The following CCDC187 variants were observed in gnomAD, a reference collection of about 807,000 sequenced individuals.
CCDC187 encodes coiled-coil domain-containing protein 187.
Under a neutral mutation model 38.0 loss-of-function variants are expected in CCDC187, and 32 were observed. The ratio of observed to expected loss-of-function variants is 0.84; its 90% CI spans 0.64 to 1.13. The LOEUF (loss-of-function observed/expected upper bound fraction) is 1.13. CCDC187 is among the 50% of genes most tolerant of loss of function. The pLI is 0.00. For missense variants in CCDC187, 707 were observed against 786.8 expected (o/e 0.90, Z 1.21); for synonymous variants, 333 against 347.9 (o/e 0.96, Z 0.48).
chr9:136,267,335 A>AGGGCGGGGCCACGGCG (rs1830763480), intron 16 of CCDC187, 49 bp downstream of exon 16: 2 of 851,240 alleles, frequency 2.3e-6, no homozygotes, highest in Admixed American at 2.3e-4. Flanking sequence ...GGGCTACAGC[A>AGGGCGGGGCCACGGCG]GGGCGGGGCT....
chr9:136,289,092 T>C (rs1357587307), intron 7 of CCDC187, among the ~76,000 whole-genome samples: 1 of 152,212 alleles, frequency 6.6e-6, no homozygotes, highest in African/African-American at 2.4e-5. Context: ...ACAGACTCAA[T>C]GAAGTTCTGA....
chr9:136,286,933 G>T (rs1831196803), intron 7 of CCDC187, among the ~76,000 whole-genome samples: 1 of 152,226 alleles, frequency 6.6e-6, no homozygotes, highest in Non-Finnish European at 1.5e-5. Flanking sequence ...GGCACTGCCG[G>T]TGGGGTGTAA....
chr9:136,280,602 G>A (rs1198652193), intron 10 of CCDC187, among the ~76,000 whole-genome samples: 2 of 151,814 alleles, frequency 1.3e-5, no homozygotes, highest in Admixed American at 1.3e-4. Context: ...CAGGGCCCTG[G>A]GTGGATGCTA....
At chr9:136,269,926 A>G (rs1020791220) in intron 14 of CCDC187, among the ~76,000 whole-genome samples, 1 of 152,230 alleles carries the variant, frequency 6.6e-6, no homozygotes, top group African/African-American at 2.4e-5. Flanking sequence ...GTGTAAACTG[A>G]TGAAAATTAA....
intron 4 of CCDC187, among the ~76,000 whole-genome samples, chr9:136,293,931 C>A (rs1184387470): frequency 7.0e-6 from 1 of 142,794 alleles, no homozygotes; most frequent in South Asian, 2.1e-4. Flanking sequence ...CACACTCCCT[C>A]GTGCTCTCCC....
intron 4 of CCDC187, among the ~76,000 whole-genome samples, chr9:136,293,304 T>C (rs1181277905): frequency 2.1e-4 from 28 of 131,958 alleles, no homozygotes; most frequent in African/African-American, 8.3e-4. Context: ...CACAAACACA[T>C]GTTCACACAC....
upstream of CCDC187, among the ~76,000 whole-genome samples, chr9:136,304,877 C>G (rs1210560897): frequency 6.6e-6 from 1 of 152,222 alleles, no homozygotes; most frequent in African/African-American, 2.4e-5. Flanking sequence ...GAAGGGAGGT[C>G]TGCGCGAAAG....
chr9:136,250,874 T>C lies in CCDC187; in HGVS notation c.*2720A>G. ...CAGCTGCTCCCGGGCGAGGGGTGTCTGGAGAGGGGCTCTTGCCTCACGGCA... is the reference window on the plus strand; with the variant it reads ...CAGCTGCTCCCGGGCGAGGGGTGTCCGGAGAGGGGCTCTTGCCTCACGGCA... On this transcript the variant is annotated 3_prime_UTR_variant, in exon 26 of 26. Coordinates refer to ENST00000638797, the MANE Select transcript of CCDC187 (RefSeq NM_001378188.1). 1 of 454,128 alleles carries C rather than the reference T, an allele frequency of 2.2e-6. No homozygotes were observed. The highest frequency in any genetic ancestry group is 4.4e-6 in the Non-Finnish European group (1 of 225,412). The allele number at this position is 454,128 out of a possible 1,614,324, so 28.1% of individuals were successfully genotyped here. A position where few individuals can be genotyped will look rare whatever the true frequency, so the allele number is the denominator to read the frequency against.
intron 10 of CCDC187, among the ~76,000 whole-genome samples, chr9:136,277,798 T>C (rs2131227322): frequency 6.6e-6 from 1 of 152,214 alleles, no homozygotes; most frequent in East Asian, 1.9e-4. Context: ...CGTGATGGCT[T>C]GTGGATGAGC....
At chr9:136,301,126 C>G (rs1418478971) in intron 2 of CCDC187, among the ~76,000 whole-genome samples, 1 of 152,198 alleles carries the variant, frequency 6.6e-6, no homozygotes, top group Admixed American at 6.5e-5. Context: ...GGAGGTACCA[C>G]AGTATGGGAT....
At chr9:136,293,299 A>AG (rs1831398836) in intron 4 of CCDC187, among the ~76,000 whole-genome samples, 2 of 139,472 alleles carry the variant, frequency 1.4e-5, no homozygotes, top group African/African-American at 2.8e-5. Context: ...ACACTCACAA[A>AG]CACATGTTCA....
chr9:136,262,588 C>T lies in CCDC187; in HGVS notation c.3913-126G>A, dbSNP rs1253227234. ...GGGCAGTGCCGGGGCTGCTTGCTCCCCACTGGGTGCCAGGCTGAGACAGGA... is the reference window on the plus strand; with the variant it reads ...GGGCAGTGCCGGGGCTGCTTGCTCCTCACTGGGTGCCAGGCTGAGACAGGA... On this transcript the variant is annotated intron_variant, in intron 18 of 25. Transcript: ENST00000638797. 3 of 768,894 alleles carry T rather than the reference C, an allele frequency of 3.9e-6. No homozygotes were observed. In the African/African-American group the frequency reaches 5.7e-5, roughly 15 times the overall value. The allele number at this position is 768,894 out of a possible 1,614,324, so 47.6% of individuals were successfully genotyped here.
At chr9:136,278,766 G>A (rs1184404914) in intron 10 of CCDC187, among the ~76,000 whole-genome samples, 4 of 152,184 alleles carry the variant, frequency 2.6e-5, no homozygotes, top group East Asian at 1.9e-4. Context: ...CCAACATGGC[G>A]GCTGGCAGCC....
chr9:136,300,408 G>T, intron 2 of CCDC187, 90 bp from the exon 3 acceptor site: 1 of 394,284 alleles, frequency 2.5e-6, no homozygotes, highest in Non-Finnish European at 4.5e-6. Context: ...AGCAGCTCAA[G>T]AGCATTTATT....
At position 136,258,103 on chromosome 9, in the gene CCDC187, C is replaced by G. The variant is rs1321830251; in HGVS notation, c.4366+829G>C. ...GCAAGCTTCACGGTGGCCGCAGAAG[C>G]CTGAACAGCGCAGGCCCGGAGGTGA... On this transcript the variant is annotated intron_variant, in intron 22 of 25. Transcript: ENST00000638797. This position sits in a 1 kb window ranked among gnomAD's most constrained non-coding sequence, Gnocchi z 4.3. 6.6e-6 allele frequency among the ~76,000 whole-genome samples: 1 copy of G among 152,212 alleles called. No homozygotes were observed. The highest frequency in any genetic ancestry group is 1.5e-5 in the Non-Finnish European group (1 of 68,040).
chr9:136,259,085 G>A (rs1237073077), intron 21 of CCDC187, 84 bp from the exon 22 acceptor site: 2 of 947,486 alleles, frequency 2.1e-6, no homozygotes, highest in Non-Finnish European at 1.3e-6. Context: ...GATGGATGGG[G>A]ACAGATGGGG....
At chr9:136,263,207 C>G (rs1224410912) in intron 18 of CCDC187, among the ~76,000 whole-genome samples, 1 of 151,494 alleles carries the variant, frequency 6.6e-6, no homozygotes, top group Non-Finnish European at 1.5e-5. Context: ...CCACCCCACC[C>G]CCCAGCAAGT....
At position 136,286,292 on chromosome 9, in the gene CCDC187, C is replaced by A. The variant is rs1046431237; in HGVS notation, c.2626G>T (p.Ala876Ser). The part of the protein sequence containing the change: ...PHSLPAAPTL[A>S]TPTLATPACP... ...GCTGGGGTGGCAAGCGTGGGGGTGGCGAGCGTGGGGGCGGCAGGTAGGCTG... is the reference window on the plus strand; with the variant it reads ...GCTGGGGTGGCAAGCGTGGGGGTGGAGAGCGTGGGGGCGGCAGGTAGGCTG... Residue 876 changes from alanine to serine, a missense_variant, in exon 8 of 26, where the codon GCC becomes TCC. Physicochemically the swap from Ala to Ser is moderately conservative, Grantham distance 99. Transcript: ENST00000638797. The A allele has an allele frequency of 2.4e-3, 948 of 398,572 alleles. 10 individuals are homozygous for A. Among genetic ancestry groups the A allele is most frequent in the African/African-American group, 0.015 (754 of 48,736 alleles). The allele number at this position is 398,572 out of a possible 1,614,324, so 24.7% of individuals were successfully genotyped here. A position where few individuals can be genotyped will look rare whatever the true frequency, so the allele number is the denominator to read the frequency against.
rs537376333 is a variant in CCDC187 at position 136,251,298 on chromosome 9, G to A, written c.*2296C>T. The A allele has an allele frequency of 4.8e-5, 16 of 333,862 alleles. No homozygotes were observed. The highest frequency in any genetic ancestry group is 3.2e-4 in the South Asian group (14 of 43,448). The allele number at this position is 333,862 out of a possible 1,614,324, so 20.7% of individuals were successfully genotyped here. On this transcript the variant is annotated 3_prime_UTR_variant, in exon 26 of 26. Coordinates refer to ENST00000638797, the MANE Select transcript of CCDC187 (RefSeq NM_001378188.1). The stretch of plus-strand genomic sequence containing the variant: ...AGAAATCAGCTGCCCTGGCCTTCCA[G>A]GCACAGCAAGTCCTGAGCATGCTCC...
Sources: gnomAD v4.1 joint callset for allele counts (sites outside exome capture counted in the v4.1 genomes callset) on GRCh38, gnomAD v4.1.1 for gene constraint, Gnocchi (gnomAD v3.1) non-coding constraint, MANE v1.5 for transcripts, NCBI Gene and HGNC (gene_info 2026-07-23, HGNC 2026-07-21) for gene names.